Variants in TXNRD1 observed in about 807,000 individuals in gnomAD.
The protein encoded by TXNRD1 is thioredoxin reductase 1.
TXNRD1 carries 57 observed loss-of-function variants against 80.3 expected under a neutral mutation model. That is an observed-to-expected ratio of 0.71 (90% confidence interval 0.57 to 0.89). The LOEUF (loss-of-function observed/expected upper bound fraction) is 0.89, where lower values mean the gene tolerates loss of function less well. Among genes scored for constraint, TXNRD1 ranks in the 40% least tolerant of loss-of-function variants. The pLI is 0.00. For synonymous variants in TXNRD1, 291 were observed against 285.2 expected (o/e 1.02, Z -0.20); for missense variants, 730 against 803.0 (o/e 0.91, Z 1.10).
intron 16 of TXNRD1, 135 bp downstream of exon 16, chr12:104,339,408 A>T (rs758652097): frequency 7.6e-7 from 1 of 1,308,718 alleles, no homozygotes; most frequent in Admixed American, 1.7e-5. Flanking sequence ...TGTCTCTAAA[A>T]ATTAGTTTTT....
chr12:104,267,704 TCTTTC>T (rs755191228), intron 3 of TXNRD1, among the ~76,000 whole-genome samples: 727 of 24,886 alleles, frequency 0.029, 14 homozygotes, highest in Non-Finnish European at 0.043. Context: ...TTTCTTTCTC[TCTTTC>T]TTTCTTTCTT....
intron 3 of TXNRD1, chr12:104,287,322 A>C (rs1312449350): frequency 1.2e-6 from 2 of 1,613,892 alleles, no homozygotes; most frequent in East Asian, 4.5e-5. Context: ...CGACCCGGTC[A>C]CACAAAGCTT....
chr12:104,272,637 A>T (rs2033675105), intron 3 of TXNRD1, among the ~76,000 whole-genome samples: 2 of 151,812 alleles, frequency 1.3e-5, no homozygotes, highest in Non-Finnish European at 2.9e-5. Flanking sequence ...TAAAAATACA[A>T]AAAAATTAGC....
In TXNRD1 at chr12:104,265,740, G is replaced by A. The variant is rs978398794; in HGVS notation, c.304+7661G>A. 2.5e-6 allele frequency: 4 copies of A among 1,597,640 alleles called. No individual in the cohort carries two copies. The South Asian group carries it at 4.4e-5, about 18-fold the overall frequency. On this transcript the variant is annotated intron_variant, in intron 3 of 16. Coordinates refer to ENST00000525566, the MANE Select transcript of TXNRD1 (RefSeq NM_001093771.3). The stretch of plus-strand genomic sequence containing the variant: ...AGTGCCGCCGGCCGGCTGTCAAGCA[G>A]TTCCACGACTCCAAGATCAAGTTCC...
At chr12:104,233,811 C>T (rs558131223) in intron 1 of TXNRD1, among the ~76,000 whole-genome samples, 21 of 152,192 alleles carry the variant, frequency 1.4e-4, no homozygotes, top group East Asian at 7.7e-4. Context: ...TGTGAGCCAC[C>T]GCACCTGGCC....
chr12:104,334,401 T>C (rs766515563), intron 15 of TXNRD1, 69 bp downstream of exon 15: 36 of 976,630 alleles, frequency 3.7e-5, no homozygotes, highest in Non-Finnish European at 4.8e-5. Flanking sequence ...GTTTTTTTTT[T>C]AGATGGAGTC....
At chr12:104,343,951 A>G (rs2036410141) in intron 16 of TXNRD1, among the ~76,000 whole-genome samples, 1 of 152,170 alleles carries the variant, frequency 6.6e-6, no homozygotes, top group Non-Finnish European at 1.5e-5. Flanking sequence ...TAAAAATACG[A>G]AAATGGCCTG....
chr12:104,303,758 T>C, intron 4 of TXNRD1: 1 of 1,112,798 alleles, frequency 9.0e-7, no homozygotes, highest in Non-Finnish European at 1.2e-6. Context: ...CGTCCTCGGC[T>C]CTAACTGCCG....
At chr12:104,228,135 T>G (rs2032518861) in intron 1 of TXNRD1, among the ~76,000 whole-genome samples, 1 of 151,964 alleles carries the variant, frequency 6.6e-6, no homozygotes, top group African/African-American at 2.4e-5. Context: ...AAACCCCATC[T>G]CTACTAAAAA....
chr12:104,232,138 A>G (rs1022815034), intron 1 of TXNRD1, among the ~76,000 whole-genome samples: 5 of 152,214 alleles, frequency 3.3e-5, no homozygotes, highest in Admixed American at 3.3e-4. Flanking sequence ...ACACTATTCC[A>G]CAAGGAATTT....
rs760022093 is a variant in TXNRD1, at chr12:104,254,630, G to GAAAAAAAAAAAAAAAAA, written c.243+2967_243+2968insAAAAAAAAAAAAAAAAA. 1.7e-4 allele frequency among the ~76,000 whole-genome samples: 3 copies of GAAAAAAAAAAAAAAAAA among 17,298 alleles called. 1 individual carries two copies. Among genetic ancestry groups the GAAAAAAAAAAAAAAAAA allele is most frequent in the African/African-American group, 4.8e-4 (2 of 4,196 alleles). The allele number at this position is 17,298 out of a possible 152,430, so 11.3% of individuals were successfully genotyped here. On this transcript the variant is annotated intron_variant, in intron 2 of 16. Coordinates refer to ENST00000525566, the MANE Select transcript of TXNRD1 (RefSeq NM_001093771.3). ...AGCATAACAAGACTCTATGTCTATGGAAAAAAAAAAAAAAATATATATATA... is the reference window on the plus strand; with the variant it reads ...AGCATAACAAGACTCTATGTCTATGGAAAAAAAAAAAAAAAAAAAAAAAAAAAAAAAATATATATATA...
intron 1 of TXNRD1, among the ~76,000 whole-genome samples, chr12:104,226,560 G>T (rs2032478469): frequency 6.6e-6 from 1 of 152,174 alleles, no homozygotes; most frequent in South Asian, 2.1e-4. Context: ...GTCATTTGAG[G>T]CAAAGTGGAA....
intron 13 of TXNRD1, among the ~76,000 whole-genome samples, chr12:104,330,558 A>T (rs933042752): frequency 2.7e-5 from 4 of 150,734 alleles, no homozygotes; most frequent in African/African-American, 9.7e-5. Flanking sequence ...TAAGGGTGTG[A>T]ACTATAGAAC....
rs995371737 is a variant in TXNRD1 at position 104,314,994 on chromosome 12, C to T, written c.611-783C>T. 3.9e-4 allele frequency among the ~76,000 whole-genome samples: 60 copies of T among 152,260 alleles called. 1 individual carries two copies. The highest frequency in any genetic ancestry group is 1.3e-3 in the African/African-American group (52 of 41,550). The stretch of plus-strand genomic sequence containing the variant: ...CTGACCTCAAATGATCCACCCGCCT[C>T]GGCCTCCCAAAGTGCTGGGATTACA... On this transcript the variant is annotated intron_variant, in intron 6 of 16. Coordinates refer to ENST00000525566, the MANE Select transcript of TXNRD1 (RefSeq NM_001093771.3).
intron 4 of TXNRD1, among the ~76,000 whole-genome samples, chr12:104,302,974 G>C (rs184361646): frequency 6.6e-6 from 1 of 152,226 alleles, no homozygotes; most frequent in African/African-American, 2.4e-5. Context: ...AATTTTCATA[G>C]CTTTGCCCAC....
intron 16 of TXNRD1, among the ~76,000 whole-genome samples, chr12:104,346,723 A>G (rs1250984180): frequency 6.6e-6 from 1 of 152,106 alleles, no homozygotes; most frequent in Admixed American, 6.5e-5. Context: ...TTATAATGTC[A>G]CCAGCATTGC....
intron 3 of TXNRD1, among the ~76,000 whole-genome samples, chr12:104,279,479 G>A (rs1285657884): frequency 1.3e-5 from 2 of 152,162 alleles, no homozygotes; most frequent in Non-Finnish European, 2.9e-5. Context: ...CTGAATCATG[G>A]GGATTGAGGA....
intron 14 of TXNRD1, among the ~76,000 whole-genome samples, chr12:104,333,495 T>C (rs1193276172): frequency 1.3e-5 from 2 of 152,178 alleles, no homozygotes; most frequent in Non-Finnish European, 2.9e-5. Context: ...GATACTATGA[T>C]ACTGTACATT....
chr12:104,272,814 A>G (rs992119733), intron 3 of TXNRD1, among the ~76,000 whole-genome samples: 6 of 151,740 alleles, frequency 4.0e-5, no homozygotes, highest in African/African-American at 1.5e-4. Flanking sequence ...GAAAAGAAAA[A>G]AAAGTAGAAG....
Sources: gnomAD v4.1 joint callset for allele counts (sites outside exome capture counted in the v4.1 genomes callset) on GRCh38, gnomAD v4.1.1 for gene constraint, MANE v1.5 for transcripts, NCBI Gene and HGNC (gene_info 2026-07-23, HGNC 2026-07-21) for gene names.